The following ACER3 variants were observed in gnomAD, a reference collection of about 807,000 sequenced individuals.
ACER3 encodes the protein alkCDase 3.
Under a neutral mutation model 48.9 loss-of-function variants are expected in ACER3, and 16 were observed. The ratio of observed to expected loss-of-function variants is 0.33; its 90% confidence interval spans 0.22 to 0.50. The LOEUF is 0.50. ACER3 is among the 20% of genes least tolerant of loss of function. The pLI, the probability that ACER3 is intolerant of heterozygous loss-of-function variation, is 0.98. For synonymous variants in ACER3, 109 were observed against 107.8 expected (o/e 1.01, Z -0.07); for missense variants, 227 against 326.0 (o/e 0.70, Z 2.34).
chr11:77,006,669 C>G (rs972523335), intron 7 of ACER3, among the ~76,000 whole-genome samples: 1 of 146,022 alleles, frequency 6.8e-6, no homozygotes, highest in African/African-American at 2.8e-5. Flanking sequence ...CTTCCTCTGC[C>G]CTTCACATTT....
chr11:76,898,899 G>A (rs1300807318), intron 1 of ACER3, among the ~76,000 whole-genome samples: 2 of 61,278 alleles, frequency 3.3e-5, no homozygotes, highest in African/African-American at 1.1e-4. Flanking sequence ...GCGAGACTCC[G>A]TCTCAAAAAA....
intron 3 of ACER3, among the ~76,000 whole-genome samples, chr11:76,975,149 G>T (rs767415607): frequency 2.6e-5 from 4 of 151,954 alleles, no homozygotes; most frequent in Non-Finnish European, 5.9e-5. Flanking sequence ...ACTTTCTTTG[G>T]CTTTTGTGTC....
At chr11:76,965,413 A>G (rs958093591) in intron 3 of ACER3, among the ~76,000 whole-genome samples, 1 of 151,404 alleles carries the variant, frequency 6.6e-6, no homozygotes, top group Non-Finnish European at 1.5e-5. Context: ...AACTTCCCCA[A>G]TCTAGCAAGG....
rs945392574 is a variant in ACER3, at chr11:76,998,235, T to C, written c.439-528T>C. On this transcript the variant is annotated intron_variant, in intron 6 of 10. Transcript: ENST00000532485. ...AACGCTAGGAAGATGTGAGAACATA[T>C]AGAATAAAGAACACAGGAAAATGGA... is the stretch of plus-strand genomic sequence containing the variant. Among the ~76,000 whole-genome samples the C allele has an allele frequency of 2.6e-4, 39 of 152,248 alleles. 1 individual carries two copies. Among genetic ancestry groups the C allele is most frequent in the Admixed American group, 2.2e-3 (34 of 15,286 alleles).
chr11:77,007,210 GTTTT>G (rs1479178115), intron 7 of ACER3, among the ~76,000 whole-genome samples: 1 of 151,650 alleles, frequency 6.6e-6, no homozygotes, highest in East Asian at 1.9e-4. Context: ...GAATTGTTGA[GTTTT>G]TTGTTTTTAT....
At chr11:76,934,183 A>T (rs550241178) in intron 2 of ACER3, among the ~76,000 whole-genome samples, 2 of 151,558 alleles carry the variant, frequency 1.3e-5, no homozygotes, top group South Asian at 4.2e-4. Flanking sequence ...GGCCGGGCAG[A>T]GACGCTCCTC....
At chr11:76,954,418 A>C (rs1266304132) in intron 2 of ACER3, among the ~76,000 whole-genome samples, 1 of 152,164 alleles carries the variant, frequency 6.6e-6, no homozygotes, top group Non-Finnish European at 1.5e-5. Context: ...TTTTTAAAAA[A>C]ATTCTTTCAT....
At chr11:76,906,319 A>G (rs891490571) in intron 1 of ACER3, among the ~76,000 whole-genome samples, 12 of 152,130 alleles carry the variant, frequency 7.9e-5, no homozygotes, top group Non-Finnish European at 1.6e-4. Flanking sequence ...GAGGACACAC[A>G]TTTGTGACTT....
intron 2 of ACER3, among the ~76,000 whole-genome samples, chr11:76,935,202 TAAAG>T (rs1485592096): frequency 1.3e-5 from 2 of 151,304 alleles, no homozygotes; most frequent in East Asian, 2.0e-4. Flanking sequence ...TAAAAGGAGA[TAAAG>T]AAATAAAAAG....
intron 7 of ACER3, among the ~76,000 whole-genome samples, chr11:77,005,192 G>C (rs1211107632): frequency 6.6e-6 from 1 of 151,732 alleles, no homozygotes; most frequent in African/African-American, 2.4e-5. Flanking sequence ...GCCTGCCACC[G>C]CACCCGGCTA....
intron 1 of ACER3, among the ~76,000 whole-genome samples, chr11:76,900,887 G>T (rs561210919): frequency 1.3e-5 from 2 of 151,926 alleles, no homozygotes; most frequent in Admixed American, 1.3e-4. Flanking sequence ...CTTTTTTGCC[G>T]TATCTACAAT....
At chr11:76,960,041 T>G (rs894757358) in intron 3 of ACER3, among the ~76,000 whole-genome samples, 2 of 152,146 alleles carry the variant, frequency 1.3e-5, no homozygotes, top group Non-Finnish European at 2.9e-5. Context: ...AAGTAAAATC[T>G]GAGCTACATT....
At chr11:76,878,664 A>G (rs1036192157) in intron 1 of ACER3, among the ~76,000 whole-genome samples, 3 of 151,932 alleles carry the variant, frequency 2.0e-5, no homozygotes, top group African/African-American at 7.3e-5. Context: ...GTGAATGTAT[A>G]TTTTCATTTT....
At chr11:76,984,255 A>G (rs1331316998) in intron 4 of ACER3, among the ~76,000 whole-genome samples, 1 of 152,220 alleles carries the variant, frequency 6.6e-6, no homozygotes, top group Non-Finnish European at 1.5e-5. Context: ...TATGTAATAA[A>G]GTGAAATAAC....
intron 1 of ACER3, among the ~76,000 whole-genome samples, chr11:76,905,559 C>T (rs1484618376): frequency 6.6e-6 from 1 of 152,126 alleles, no homozygotes; most frequent in Non-Finnish European, 1.5e-5. Flanking sequence ...ACTAGGAAGA[C>T]TCTTCTATAT....
intron 5 of ACER3, among the ~76,000 whole-genome samples, chr11:76,987,028 T>A (rs1471876436): frequency 6.6e-6 from 1 of 151,970 alleles, no homozygotes; most frequent in Non-Finnish European, 1.5e-5. Context: ...ATCGTGCCAC[T>A]CCACTCCAGC....
intron 4 of ACER3, among the ~76,000 whole-genome samples, chr11:76,980,480 C>T (rs1948560093): frequency 1.3e-5 from 2 of 151,920 alleles, no homozygotes; most frequent in African/African-American, 4.8e-5. Flanking sequence ...AGTTCAAGAC[C>T]AGCCTGGGCA....
At chr11:76,986,746 G>A (rs11605656) in intron 5 of ACER3, among the ~76,000 whole-genome samples, 60,548 of 152,062 alleles carry the variant, frequency 0.4, 14,745 homozygotes, top group Non-Finnish European at 0.56. Context: ...TGCCTTGTTT[G>A]AGAGTTCAAA....
At chr11:76,919,725 A>G (rs1192595657) in intron 1 of ACER3, among the ~76,000 whole-genome samples, 1 of 152,176 alleles carries the variant, frequency 6.6e-6, no homozygotes, top group Admixed American at 6.5e-5. Context: ...ATTTTCTACC[A>G]TTCATCTTTT....
Sources: allele counts gnomAD v4.1 joint callset (sites outside exome capture counted in the v4.1 genomes callset), GRCh38; gene constraint gnomAD v4.1.1; transcripts MANE v1.5; gene names NCBI Gene and HGNC (gene_info 2026-07-23, HGNC 2026-07-21).